PTPRD: variants seen among roughly 807,000 people sequenced by gnomAD.
PTPRD encodes the protein protein tyrosine phosphatase receptor type D, also known as receptor-type tyrosine-protein phosphatase delta.
Under a neutral mutation model 214.5 loss-of-function variants are expected in PTPRD, and 34 were observed. The observed-to-expected ratio is 0.16, with a 90% CI of 0.12 to 0.21. The LOEUF is 0.21. Among genes scored for constraint, PTPRD ranks in the 10% least tolerant of loss-of-function variants. The pLI is 1.00. For synonymous variants in PTPRD, 1,128 were observed against 845.7 expected, an observed-to-expected ratio of 1.33 and a Z score of -5.79; for missense variants, 2,545 against 2,398.7, an observed-to-expected ratio of 1.06 and a Z score of -1.27.
intron 9 of PTPRD, among the ~76,000 whole-genome samples, chr9:9,326,319 G>T (rs2039876015): frequency 6.6e-6 from 1 of 152,118 alleles, no homozygotes; most frequent in Non-Finnish European, 1.5e-5. Flanking sequence ...GTATAATTCT[G>T]AAATTACCTA....
intron 5 of PTPRD, among the ~76,000 whole-genome samples, chr9:9,828,691 C>A (rs2053814382): frequency 6.6e-6 from 1 of 151,078 alleles, no homozygotes. Context: ...TAATGAAAAT[C>A]TAAAGGTAAG....
At chr9:10,180,070 A>G (rs184835600) in intron 3 of PTPRD, among the ~76,000 whole-genome samples, 1 of 152,256 alleles carries the variant, frequency 6.6e-6, no homozygotes, top group Admixed American at 6.5e-5. Context: ...TTAACTTATT[A>G]AAACAGAATC....
intron 39 of PTPRD, among the ~76,000 whole-genome samples, chr9:8,364,297 C>T (rs555027172): frequency 1.3e-5 from 2 of 152,226 alleles, no homozygotes; most frequent in Non-Finnish European, 2.9e-5. Flanking sequence ...GCGTGTTACA[C>T]AAAATGGAGA....
intron 4 of PTPRD, among the ~76,000 whole-genome samples, chr9:9,947,216 A>T (rs1164920229): frequency 7.1e-6 from 1 of 141,560 alleles, no homozygotes; most frequent in Non-Finnish European, 1.5e-5. Context: ...GTTTTCAGTA[A>T]GGTACTTTGG....
At chr9:10,268,321 G>GTAATAATAATAATT (rs1564900765) in intron 3 of PTPRD, among the ~76,000 whole-genome samples, 1 of 122,984 alleles carries the variant, frequency 8.1e-6, no homozygotes. Flanking sequence ...TAATAATAAC[G>GTAATAATAATAATT]ATAATAATAA....
At chr9:10,343,516 T>C (rs919537457) in intron 2 of PTPRD, among the ~76,000 whole-genome samples, 2 of 152,132 alleles carry the variant, frequency 1.3e-5, no homozygotes, top group Admixed American at 6.6e-5. Context: ...CTGGGTCAAA[T>C]GGTATTTCTT....
chr9:8,522,719 A>G (rs904765062), intron 19 of PTPRD, among the ~76,000 whole-genome samples: 1 of 152,336 alleles, frequency 6.6e-6, no homozygotes, highest in Admixed American at 6.5e-5. Flanking sequence ...ATGTGATACA[A>G]GGAGAAAGTG....
chr9:9,884,763 G>C (rs1600862243), intron 5 of PTPRD, among the ~76,000 whole-genome samples: 1 of 152,134 alleles, frequency 6.6e-6, no homozygotes, highest in South Asian at 2.1e-4. Context: ...CATGAGATCT[G>C]ATGGTTTTAT....
intron 2 of PTPRD, among the ~76,000 whole-genome samples, chr9:10,585,497 A>T (rs575478512): frequency 1.3e-5 from 2 of 152,114 alleles, no homozygotes; most frequent in Non-Finnish European, 2.9e-5. Flanking sequence ...TAGAAAATGA[A>T]TATTTCAAAC....
intron 12 of PTPRD, among the ~76,000 whole-genome samples, chr9:8,704,066 T>C (rs1565415901): frequency 6.6e-6 from 1 of 152,176 alleles, no homozygotes; most frequent in South Asian, 2.1e-4. Flanking sequence ...TGCCTACATA[T>C]TTCTGGCATC....
intron 8 of PTPRD, among the ~76,000 whole-genome samples, chr9:9,537,172 G>C (rs1293447515): frequency 6.6e-6 from 1 of 151,890 alleles, no homozygotes; most frequent in Non-Finnish European, 1.5e-5. Context: ...AGAAGGTGGA[G>C]GGTTCTTACC....
intron 12 of PTPRD, among the ~76,000 whole-genome samples, chr9:8,726,026 GACACACACACACACACACACAC>G (rs71500962): frequency 5.7e-5 from 8 of 139,510 alleles, no homozygotes; most frequent in Non-Finnish European, 1.2e-4. Flanking sequence ...CAGACAGACA[GACACACACACACACACACACAC>G]ACACACACAC....
intron 5 of PTPRD, among the ~76,000 whole-genome samples, chr9:9,852,338 T>C (rs73641382): frequency 0.026 from 4,017 of 152,180 alleles, 164 homozygotes; most frequent in African/African-American, 0.085. Context: ...AACAATTTTT[T>C]TGTTAGCTAT....
chr9:9,169,346 C>T (rs1592820364), intron 10 of PTPRD, among the ~76,000 whole-genome samples: 2 of 152,046 alleles, frequency 1.3e-5, no homozygotes, highest in Non-Finnish European at 1.5e-5. Flanking sequence ...TGATTCAATG[C>T]TAAGAGGACT....
intron 2 of PTPRD, among the ~76,000 whole-genome samples, chr9:10,345,746 G>A (rs1018815122): frequency 2.6e-5 from 4 of 152,186 alleles, no homozygotes; most frequent in African/African-American, 9.7e-5. Context: ...TGTCTTTATA[G>A]TAGAATGATT....
intron 5 of PTPRD, among the ~76,000 whole-genome samples, chr9:9,871,366 G>A (rs868195265): frequency 3.9e-5 from 6 of 152,290 alleles, no homozygotes; most frequent in Admixed American, 3.3e-4. Context: ...TTAATTTCAT[G>A]TAGTCTTGTA....
chr9:9,295,867 A>G (rs1952825952), intron 9 of PTPRD, among the ~76,000 whole-genome samples: 1 of 151,860 alleles, frequency 6.6e-6, no homozygotes, highest in African/African-American at 2.4e-5. Flanking sequence ...CTATGCCCAG[A>G]TTATGGCCCC....
intron 2 of PTPRD, among the ~76,000 whole-genome samples, chr9:10,549,933 T>C (rs1447930573): frequency 1.3e-5 from 2 of 152,178 alleles, no homozygotes; most frequent in South Asian, 4.1e-4. Flanking sequence ...AACTTTATTG[T>C]GTTACCCATC....
chr9:10,407,972 T>C (rs1437396834), intron 2 of PTPRD, among the ~76,000 whole-genome samples: 1 of 151,592 alleles, frequency 6.6e-6, no homozygotes, highest in African/African-American at 2.4e-5. Flanking sequence ...GCTTATTTTA[T>C]CTAATATGTT....
Sources: allele counts gnomAD v4.1 joint callset (sites outside exome capture counted in the v4.1 genomes callset), GRCh38; gene constraint gnomAD v4.1.1; transcripts MANE v1.5; gene names NCBI Gene and HGNC (gene_info 2026-07-23, HGNC 2026-07-21).